The following PRPF39 variants were observed in gnomAD, a reference collection of about 807,000 sequenced individuals.
PRPF39 encodes the protein pre-mRNA-processing factor 39.
Under a neutral mutation model 82.1 loss-of-function variants are expected in PRPF39, and 27 were observed. The observed-to-expected ratio is 0.33, with a 90% CI of 0.24 to 0.45. PRPF39 has a LOEUF of 0.45. Among genes scored for constraint, PRPF39 ranks in the 20% least tolerant of loss-of-function variants. The pLI is 1.00. For synonymous variants in PRPF39, 261 were observed against 256.4 expected, an observed-to-expected ratio of 1.02 and a Z score of -0.17; for missense variants, 581 against 796.9, an observed-to-expected ratio of 0.73 and a Z score of 3.26.
At chr14:45,093,953 A>G (rs1202605521) in intron 1 of PRPF39, among the ~76,000 whole-genome samples, 1 of 152,156 alleles carries the variant, frequency 6.6e-6, no homozygotes, top group Non-Finnish European at 1.5e-5. Flanking sequence ...GATTATTTCC[A>G]TAGTATAAAA....
chr14:45,089,646 A>T (rs897321173), intron 1 of PRPF39, among the ~76,000 whole-genome samples: 1 of 152,102 alleles, frequency 6.6e-6, no homozygotes, highest in African/African-American at 2.4e-5. Context: ...CTCATGGGTG[A>T]TCGGCCTACT....
intron 5 of PRPF39, 59 bp downstream of exon 5, chr14:45,102,755 T>G: frequency 7.2e-7 from 1 of 1,388,560 alleles, no homozygotes; most frequent in Non-Finnish European, 9.8e-7. Flanking sequence ...TTGGTAATAT[T>G]AAGTATTATA....
intron 1 of PRPF39, among the ~76,000 whole-genome samples, chr14:45,085,193 G>C (rs923522814): frequency 6.6e-6 from 1 of 152,078 alleles, no homozygotes; most frequent in Admixed American, 6.6e-5. Context: ...TCTACTGTCA[G>C]GTTTTCCTCC....
chr14:45,101,353 G>A (rs1594730612), intron 4 of PRPF39, among the ~76,000 whole-genome samples: 1 of 152,172 alleles, frequency 6.6e-6, no homozygotes. Flanking sequence ...TATCTTGAAA[G>A]TATGTATCTA....
intron 1 of PRPF39, among the ~76,000 whole-genome samples, chr14:45,091,756 T>TA (rs990409494): frequency 1.1e-4 from 17 of 151,696 alleles, no homozygotes; most frequent in Middle Eastern, 3.4e-3. Flanking sequence ...GCTACTTTGT[T>TA]AAAAAAAAAT....
intron 1 of PRPF39, among the ~76,000 whole-genome samples, chr14:45,090,464 A>G (rs996650051): frequency 6.6e-5 from 10 of 151,838 alleles, no homozygotes; most frequent in South Asian, 2.1e-4. Context: ...CTCAATACCA[A>G]CCTCTTCATT....
chr14:45,107,981 A>G (rs147012774), intron 6 of PRPF39, among the ~76,000 whole-genome samples: 144 of 151,908 alleles, frequency 9.5e-4, no homozygotes, highest in African/African-American at 3.4e-3. Context: ...TTATCCCTTG[A>G]CTCCATGAGT....
chr14:45,112,523 C>A, intron 11 of PRPF39, 21 bp downstream of exon 11: 2 of 1,432,572 alleles, frequency 1.4e-6, no homozygotes, highest in Non-Finnish European at 1.8e-6. Flanking sequence ...AGTTATATTA[C>A]CTATTTGAAT....
At chr14:45,112,576 A>C (rs191814161) in intron 11 of PRPF39, 74 bp downstream of exon 11, 2 of 1,310,768 alleles carry the variant, frequency 1.5e-6, no homozygotes, top group African/African-American at 1.5e-5. Context: ...TTTGATGATT[A>C]GTATAGATTA....
intron 5 of PRPF39, among the ~76,000 whole-genome samples, chr14:45,105,418 A>G (rs983102919): frequency 1.2e-4 from 18 of 152,070 alleles, no homozygotes; most frequent in African/African-American, 4.3e-4. Flanking sequence ...TTTTTAACAT[A>G]AGGCAATCTT....
intron 11 of PRPF39, among the ~76,000 whole-genome samples, chr14:45,113,286 A>G (rs1436382779): frequency 1.3e-5 from 2 of 152,234 alleles, no homozygotes; most frequent in East Asian, 3.8e-4. Flanking sequence ...AGTGTATTTT[A>G]ATGTATTAAT....
At chr14:45,090,257 C>T (rs1216937323) in intron 1 of PRPF39, among the ~76,000 whole-genome samples, 1 of 152,124 alleles carries the variant, frequency 6.6e-6, no homozygotes. Context: ...TTCCTAGGGC[C>T]TGAAGTGATT....
chr14:45,113,317 CATG>C (rs1391405085), intron 11 of PRPF39, among the ~76,000 whole-genome samples: 1 of 152,162 alleles, frequency 6.6e-6, no homozygotes, highest in African/African-American at 2.4e-5. Context: ...GCGTGCTTGG[CATG>C]ATGCCAAATG....
chr14:45,109,894 G>A, intron 8 of PRPF39, 114 bp downstream of exon 8: 1 of 1,513,308 alleles, frequency 6.6e-7, no homozygotes, highest in Non-Finnish European at 8.8e-7. Context: ...GTTGCATTAG[G>A]AGATGGTCTG....
At chr14:45,095,753 T>A in intron 2 of PRPF39, 190 bp downstream of exon 2, 2 of 748,030 alleles carry the variant, frequency 2.7e-6, no homozygotes, top group Non-Finnish European at 4.1e-6. Context: ...AGAGAGTCAG[T>A]AGTGTCAAAG....
chr14:45,109,193 T>C (rs1566698244), intron 7 of PRPF39, among the ~76,000 whole-genome samples: 1 of 152,308 alleles, frequency 6.6e-6, no homozygotes, highest in South Asian at 2.1e-4. Context: ...TTCACAGATA[T>C]ATGTATATAC....
chr14:45,103,319 T>G lies in PRPF39; in HGVS notation c.737+623T>G, dbSNP rs149675344. 1.1e-3 allele frequency among the ~76,000 whole-genome samples: 174 copies of G among 152,252 alleles called. 1 individual carries two copies. Among genetic ancestry groups the G allele is most frequent in the African/African-American group, 4.0e-3 (168 of 41,568 alleles). ...TCTGTTTTCTGCTTTATTCAGAGTA[T>G]CCCATAAATAAGGATCCAGAAAGTC... is the stretch of plus-strand genomic sequence containing the variant. On this transcript the variant is annotated intron_variant, in intron 5 of 13. Transcript: ENST00000355765.
At chr14:45,114,781 C>A in intron 13 of PRPF39, 76 bp from the exon 14 acceptor site, 1 of 1,407,894 alleles carries the variant, frequency 7.1e-7, no homozygotes, top group Non-Finnish European at 9.9e-7. Context: ...TTAAACATAG[C>A]TGCTTTAATT....
At chr14:45,085,357 C>T (rs1883789395) in intron 1 of PRPF39, among the ~76,000 whole-genome samples, 1 of 152,120 alleles carries the variant, frequency 6.6e-6, no homozygotes, top group Non-Finnish European at 1.5e-5. Flanking sequence ...GCATAGATGG[C>T]TCATAGGTGG....
Sources: allele counts gnomAD v4.1 joint callset (sites outside exome capture counted in the v4.1 genomes callset), GRCh38; gene constraint gnomAD v4.1.1; transcripts MANE v1.5; gene names NCBI Gene and HGNC (gene_info 2026-07-23, HGNC 2026-07-21).